Variants in FAM135A observed in about 807,000 individuals in gnomAD.
The protein encoded by FAM135A is protein FAM135A.
FAM135A carries 79 observed loss-of-function variants against 146.8 expected under a neutral mutation model. The ratio of observed to expected loss-of-function variants is 0.54; its 90% confidence interval spans 0.45 to 0.65. The LOEUF (loss-of-function observed/expected upper bound fraction) is 0.65, where lower values mean the gene tolerates loss of function less well. FAM135A is among the 30% of genes least tolerant of loss of function. The probability of loss-of-function intolerance (pLI) is 0.00; values close to 1 mark genes in which losing one functional copy is unlikely to be tolerated. For synonymous variants in FAM135A, 562 were observed against 603.6 expected (o/e 0.93, Z 1.01); for missense variants, 1,623 against 1,758.2 (o/e 0.92, Z 1.38).
At chr6:70,533,626 A>G in intron 17 of FAM135A, 131 bp from the exon 18 acceptor site, 1 of 621,428 alleles carries the variant, frequency 1.6e-6, no homozygotes, top group Non-Finnish European at 2.7e-6. Context: ...AATTACACTC[A>G]CTAACTTCTC....
At chr6:70,447,392 A>ATC (rs1775996588) in intron 4 of FAM135A, among the ~76,000 whole-genome samples, 1 of 152,192 alleles carries the variant, frequency 6.6e-6, no homozygotes, top group Non-Finnish European at 1.5e-5. Context: ...CCCCATTGTA[A>ATC]TCTGAATCAA....
At chr6:70,527,377 A>G (rs1412426594) in intron 15 of FAM135A, among the ~76,000 whole-genome samples, 2 of 152,224 alleles carry the variant, frequency 1.3e-5, no homozygotes, top group African/African-American at 2.4e-5. Context: ...ATATATAGAG[A>G]GAGATTTTTA....
intron 5 of FAM135A, among the ~76,000 whole-genome samples, chr6:70,454,564 C>A (rs1262186458): frequency 6.6e-6 from 1 of 152,040 alleles, no homozygotes; most frequent in Non-Finnish European, 1.5e-5. Flanking sequence ...GTCTTTAATC[C>A]ATCTTGAATT....
At chr6:70,419,418 CAA>C (rs3029152) in intron 2 of FAM135A, among the ~76,000 whole-genome samples, 26,896 of 145,864 alleles carry the variant, frequency 0.18, 2,383 homozygotes, top group Middle Eastern at 0.23. Flanking sequence ...GACTTCGTCT[CAA>C]AAAAAAAAAA....
chr6:70,559,747 G>T lies in FAM135A; in HGVS notation c.4374G>T (p.Leu1458Phe). The T allele has an allele frequency of 1.9e-6, 3 of 1,613,992 alleles. No homozygotes were observed. Among genetic ancestry groups the T allele is most frequent in the Non-Finnish European group, 2.5e-6 (3 of 1,179,984 alleles). The change falls in exon 22 of 22, where the codon TTG becomes TTT. Residue 1458 changes from leucine to phenylalanine, a missense_variant. By Grantham distance (22) the Leu-to-Phe change is conservative. Around this residue, in one of 7 missense-constraint regions of FAM135A, gnomAD observed 138 missense variants for 174.1 expected, o/e 0.79. Coordinates refer to ENST00000418814, the MANE Select transcript of FAM135A (RefSeq NM_001162529.3). ...GQIYSEMIHNLLRPVLQSKDC... is the reference protein window; with the variant it reads ...GQIYSEMIHNFLRPVLQSKDC... ...TCTATTCAGAAATGATCCACAACTTGCTTCGACCCGTTCTGCAAAGCAAGG... is the reference window on the plus strand; with the variant it reads ...TCTATTCAGAAATGATCCACAACTTTCTTCGACCCGTTCTGCAAAGCAAGG...
intron 4 of FAM135A, among the ~76,000 whole-genome samples, chr6:70,445,365 T>C (rs2639294): frequency 0.7 from 89,621 of 127,436 alleles, 27,694 homozygotes; most frequent in East Asian, 0.77. Context: ...TCTGCCGTCT[T>C]GGTCAGGGAA....
At chr6:70,526,843 G>T in intron 15 of FAM135A, 145 bp downstream of exon 15, 1 of 783,164 alleles carries the variant, frequency 1.3e-6, no homozygotes, top group Non-Finnish European at 1.9e-6. Flanking sequence ...AGGATTGAGT[G>T]TCTATTTTGT....
chr6:70,467,315 CA>C (rs56323950), intron 5 of FAM135A, among the ~76,000 whole-genome samples: 110 of 144,128 alleles, frequency 7.6e-4, no homozygotes, highest in South Asian at 5.0e-3. Flanking sequence ...TTTTTTTCTC[CA>C]AAAAAAAAAA....
At chr6:70,496,004 A>G (rs912564716) in intron 11 of FAM135A, among the ~76,000 whole-genome samples, 2 of 152,116 alleles carry the variant, frequency 1.3e-5, no homozygotes, top group Admixed American at 6.5e-5. Flanking sequence ...TCCATGGTGT[A>G]TATGTGCCAC....
intron 4 of FAM135A, among the ~76,000 whole-genome samples, chr6:70,451,525 GAGTT>G (rs1777081978): frequency 6.6e-6 from 1 of 151,944 alleles, no homozygotes; most frequent in African/African-American, 2.4e-5. Context: ...TAACTTTATG[GAGTT>G]TTCTCATGCC....
chr6:70,531,208 T>C (rs1795743337), intron 16 of FAM135A, among the ~76,000 whole-genome samples: 1 of 152,192 alleles, frequency 6.6e-6, no homozygotes, highest in Admixed American at 6.5e-5. Context: ...CATTCTTTGG[T>C]CCTCCAGAAA....
At chr6:70,423,956 T>C (rs1378231950) in intron 2 of FAM135A, among the ~76,000 whole-genome samples, 1 of 152,158 alleles carries the variant, frequency 6.6e-6, no homozygotes, top group Non-Finnish European at 1.5e-5. Context: ...ACCCAACATA[T>C]TATAGTGGAT....
At chr6:70,481,657 A>G (rs1165332093) in intron 9 of FAM135A, among the ~76,000 whole-genome samples, 1 of 151,918 alleles carries the variant, frequency 6.6e-6, no homozygotes, top group African/African-American at 2.4e-5. Flanking sequence ...TTAAAAAAAA[A>G]AAAAGAGTGG....
intron 4 of FAM135A, among the ~76,000 whole-genome samples, chr6:70,434,639 G>A (rs933988358): frequency 2.0e-5 from 3 of 152,210 alleles, no homozygotes; most frequent in Admixed American, 6.5e-5. Context: ...TAGAATATTA[G>A]CAATGGCATC....
chr6:70,469,177 A>G (rs1334665081), intron 5 of FAM135A, among the ~76,000 whole-genome samples: 1 of 152,114 alleles, frequency 6.6e-6, no homozygotes, highest in Non-Finnish European at 1.5e-5. Context: ...GGAGATTTTT[A>G]TCTCTTTCAT....
chr6:70,489,335 T>C (rs1024159289), intron 10 of FAM135A, among the ~76,000 whole-genome samples: 1 of 152,194 alleles, frequency 6.6e-6, no homozygotes, highest in Non-Finnish European at 1.5e-5. Context: ...ATTTCTTTAG[T>C]TACCAACAAG....
At chr6:70,487,083 CAAAAAAAAA>C (rs34560435) in intron 10 of FAM135A, among the ~76,000 whole-genome samples, 4 of 40,610 alleles carry the variant, frequency 9.8e-5, no homozygotes, top group Non-Finnish European at 1.9e-4. Flanking sequence ...ACTCCCATCT[CAAAAAAAAA>C]AAAAAAAAAA....
At chr6:70,465,255 C>CTAT (rs1780223427) in intron 5 of FAM135A, among the ~76,000 whole-genome samples, 1 of 152,118 alleles carries the variant, frequency 6.6e-6, no homozygotes, top group Non-Finnish European at 1.5e-5. Flanking sequence ...ACATACCACA[C>CTAT]TATCCATTAA....
At chr6:70,549,827 T>C (rs539746182) in intron 20 of FAM135A, among the ~76,000 whole-genome samples, 3 of 152,234 alleles carry the variant, frequency 2.0e-5, no homozygotes, top group Non-Finnish European at 4.4e-5. Context: ...CATATGATGC[T>C]GTTTGATAGT....
Sources: gnomAD v4.1 joint callset for allele counts (sites outside exome capture counted in the v4.1 genomes callset) on GRCh38, gnomAD v4.1.1 for gene constraint, gnomAD v4.1.1 regional missense constraint, MANE v1.5 for transcripts, NCBI Gene and HGNC (gene_info 2026-07-23, HGNC 2026-07-21) for gene names.